The following SYN3 variants were observed in gnomAD, a reference collection of about 807,000 sequenced individuals.
SYN3 encodes synapsin III.
SYN3 carries 35 observed loss-of-function variants against 65.8 expected under a neutral mutation model. That is an observed-to-expected ratio of 0.53 (90% CI 0.41 to 0.70). The LOEUF is 0.70. Among genes scored for constraint, SYN3 ranks in the 30% least tolerant of loss-of-function variants. The probability of loss-of-function intolerance (pLI) is 0.00; values close to 1 mark genes in which losing one functional copy is unlikely to be tolerated. For missense variants in SYN3, 680 were observed against 749.0 expected (o/e 0.91, Z 1.08); for synonymous variants, 270 against 292.9 (o/e 0.92, Z 0.80).
chr22:32,624,858 C>T (rs925112436), intron 6 of SYN3, among the ~76,000 whole-genome samples: 2 of 152,156 alleles, frequency 1.3e-5, no homozygotes, highest in African/African-American at 4.8e-5. Flanking sequence ...TAGTCCTGCC[C>T]GCTAATTGTA....
rs140783205 is a variant in SYN3 at position 32,783,592 on chromosome 22, T to G, written c.711+81323A>C. 6.6e-3 allele frequency among the ~76,000 whole-genome samples: 1,010 copies of G among 152,308 alleles called. 7 individuals carry two copies. Among genetic ancestry groups the G allele is most frequent in the African/African-American group, 0.022 (933 of 41,564 alleles). On this transcript the variant is annotated intron_variant, in intron 6 of 13. Coordinates refer to ENST00000358763, the MANE Select transcript of SYN3 (RefSeq NM_003490.4). ...GCTTAGAGGATGTCTTGTCCACTGT[T>G]CTTTACCATGCTGGAATCCCCTGTG...
chr22:32,558,045 G>T (rs2058528626), intron 7 of SYN3, among the ~76,000 whole-genome samples: 1 of 152,136 alleles, frequency 6.6e-6, no homozygotes, highest in South Asian at 2.1e-4. Context: ...GCTTGCTTTT[G>T]CATTGTCTGC....
chr22:32,611,704 T>C (rs966433663), intron 6 of SYN3, among the ~76,000 whole-genome samples: 1 of 152,218 alleles, frequency 6.6e-6, no homozygotes, highest in African/African-American at 2.4e-5. Context: ...GAAGGAAGAA[T>C]GTTCAGGATG....
rs1165909392 is a variant in SYN3, at chr22:32,596,670, A to C, written c.774+4T>G. The C allele has an allele frequency of 1.3e-5, 21 of 1,613,572 alleles. No individual in the cohort carries two copies. Among genetic ancestry groups the C allele is most frequent in the Non-Finnish European group, 1.4e-5 (16 of 1,179,706 alleles). ...ACTGTGAGTGGAAGGGCTGTTTCTC[A>C]TACCTTTCCCATTCCAGCGTGGGCA... On this transcript the variant is annotated splice_donor_region_variant and intron_variant, in intron 7 of 13. Coordinates refer to ENST00000358763, the MANE Select transcript of SYN3 (RefSeq NM_003490.4).
intron 6 of SYN3, among the ~76,000 whole-genome samples, chr22:32,847,249 A>G (rs1024421590): frequency 6.6e-6 from 1 of 152,218 alleles, no homozygotes; most frequent in African/African-American, 2.4e-5. Flanking sequence ...TGGAGGAAAC[A>G]GTCCCCGGGG....
intron 6 of SYN3, among the ~76,000 whole-genome samples, chr22:32,627,372 C>G (rs1171768076): frequency 1.3e-5 from 2 of 152,124 alleles, no homozygotes; most frequent in African/African-American, 2.4e-5. Flanking sequence ...TATGCTGCAG[C>G]TTCTGTGAGC....
intron 4 of SYN3, among the ~76,000 whole-genome samples, chr22:32,909,255 G>A (rs1343677229): frequency 6.6e-6 from 1 of 152,128 alleles, no homozygotes. Flanking sequence ...TCTGAGCTTT[G>A]GTGTTGAACA....
intron 6 of SYN3, among the ~76,000 whole-genome samples, chr22:32,768,741 G>A (rs2045690141): frequency 6.6e-6 from 1 of 152,082 alleles, no homozygotes; most frequent in Non-Finnish European, 1.5e-5. Context: ...AGTACTTCCT[G>A]AGCCCATTCA....
intron 6 of SYN3, among the ~76,000 whole-genome samples, chr22:32,805,818 C>T (rs1478985791): frequency 6.6e-6 from 1 of 151,942 alleles, no homozygotes; most frequent in Non-Finnish European, 1.5e-5. Context: ...CTAAGGTGAC[C>T]AGGAGATGGA....
chr22:32,668,634 C>A (rs1459912901), intron 6 of SYN3, among the ~76,000 whole-genome samples: 2 of 152,116 alleles, frequency 1.3e-5, no homozygotes, highest in Admixed American at 1.3e-4. Context: ...AGCCAGCAAT[C>A]CCATTGCAGA....
intron 3 of SYN3, among the ~76,000 whole-genome samples, chr22:32,937,708 A>T (rs1174776309): frequency 2.6e-5 from 4 of 152,210 alleles, no homozygotes; most frequent in Non-Finnish European, 4.4e-5. Flanking sequence ...AACAGCGGGG[A>T]TTACAATTCA....
chr22:32,885,762 T>G (rs558508285), intron 4 of SYN3, among the ~76,000 whole-genome samples: 1 of 152,146 alleles, frequency 6.6e-6, no homozygotes, highest in African/African-American at 2.4e-5. Flanking sequence ...GGTTTCACCA[T>G]GTTGGCTGGG....
chr22:32,852,949 C>T (rs186827710), intron 6 of SYN3, among the ~76,000 whole-genome samples: 29 of 152,328 alleles, frequency 1.9e-4, no homozygotes, highest in Admixed American at 1.6e-3. Flanking sequence ...TGCTCTCCAG[C>T]TGGCTGCAGG....
chr22:32,872,729 C>T (rs2048881321), intron 4 of SYN3, among the ~76,000 whole-genome samples: 1 of 152,074 alleles, frequency 6.6e-6, no homozygotes, highest in African/African-American at 2.4e-5. Context: ...CCTCTGTACC[C>T]AGCACCCCAG....
chr22:32,737,307 C>T, intron 6 of SYN3, among the ~76,000 whole-genome samples: 1 of 151,946 alleles, frequency 6.6e-6, no homozygotes, highest in South Asian at 2.1e-4. Flanking sequence ...TCTTCTGGAT[C>T]TTTTCTTTTC....
At chr22:32,593,439 G>T (rs2059154953) in intron 7 of SYN3, among the ~76,000 whole-genome samples, 1 of 152,152 alleles carries the variant, frequency 6.6e-6, no homozygotes, top group South Asian at 2.1e-4. Context: ...GTGGAAATGG[G>T]TGGAGAGAAA....
At chr22:32,734,287 T>C (rs557966925) in intron 6 of SYN3, among the ~76,000 whole-genome samples, 1 of 152,346 alleles carries the variant, frequency 6.6e-6, no homozygotes, top group African/African-American at 2.4e-5. Flanking sequence ...TCTTAGCCTA[T>C]GGGGCCAACA....
chr22:32,624,055 C>T (rs539777869), intron 6 of SYN3, among the ~76,000 whole-genome samples: 11 of 152,242 alleles, frequency 7.2e-5, no homozygotes, highest in African/African-American at 2.2e-4. Flanking sequence ...AGGCAATCCT[C>T]GGAGGCCCTT....
chr22:32,669,674 T>A (rs2060335054), intron 6 of SYN3, among the ~76,000 whole-genome samples: 1 of 152,232 alleles, frequency 6.6e-6, no homozygotes, highest in Non-Finnish European at 1.5e-5. Context: ...AATTTGTAGT[T>A]TTATACATGG....
Sources: gnomAD v4.1 joint callset for allele counts (sites outside exome capture counted in the v4.1 genomes callset) on GRCh38, gnomAD v4.1.1 for gene constraint, MANE v1.5 for transcripts, NCBI Gene and HGNC (gene_info 2026-07-23, HGNC 2026-07-21) for gene names.